The following SLC17A8 variants were observed in gnomAD, a reference collection of about 807,000 sequenced individuals.
SLC17A8 encodes the protein vesicular glutamate transporter 3.
A neutral mutation model predicts 58.0 loss-of-function variants in SLC17A8; 31 were observed. That is an observed-to-expected ratio of 0.53 (90% confidence interval 0.40 to 0.72). The LOEUF is 0.72. SLC17A8 is among the 30% of genes least tolerant of loss of function. The pLI is 0.00. For missense variants in SLC17A8, 655 were observed against 727.8 expected, an observed-to-expected ratio of 0.90 and a Z score of 1.15; for synonymous variants, 228 against 249.0, an observed-to-expected ratio of 0.92 and a Z score of 0.79.
chr12:100,379,745 G>C (rs1952620177), intron 1 of SLC17A8, among the ~76,000 whole-genome samples: 1 of 143,880 alleles, frequency 7.0e-6, no homozygotes, highest in Non-Finnish European at 1.5e-5. Flanking sequence ...TAATGAATGT[G>C]CCATAATTGG....
At chr12:100,375,723 T>C (rs1280571884) in intron 1 of SLC17A8, among the ~76,000 whole-genome samples, 1 of 152,218 alleles carries the variant, frequency 6.6e-6, no homozygotes, top group African/African-American at 2.4e-5. Context: ...ACTTTATTAA[T>C]AGCAATAGTG....
chr12:100,381,151 C>G (rs1952634897), intron 2 of SLC17A8, among the ~76,000 whole-genome samples, 198 bp downstream of exon 2: 1 of 151,884 alleles, frequency 6.6e-6, no homozygotes. Context: ...CTCAGCATCT[C>G]AGCATCTCAG....
At chr12:100,365,967 A>G (rs1952517644) in intron 1 of SLC17A8, among the ~76,000 whole-genome samples, 1 of 151,740 alleles carries the variant, frequency 6.6e-6, no homozygotes, top group Non-Finnish European at 1.5e-5. Context: ...ATGGATATGG[A>G]AAGAATGCAC....
At chr12:100,372,592 C>T (rs959712184) in intron 1 of SLC17A8, among the ~76,000 whole-genome samples, 1 of 152,188 alleles carries the variant, frequency 6.6e-6, no homozygotes, top group East Asian at 1.9e-4. Flanking sequence ...ACCATAATTA[C>T]GTCCTTAAGC....
chr12:100,397,246 T>C (rs1001273052), intron 5 of SLC17A8, among the ~76,000 whole-genome samples: 9 of 152,182 alleles, frequency 5.9e-5, no homozygotes, highest in African/African-American at 1.9e-4. Context: ...CTCTTCTTTT[T>C]ATATGAAACT....
chr12:100,378,697 C>T (rs1311617376), intron 1 of SLC17A8, among the ~76,000 whole-genome samples: 1 of 151,892 alleles, frequency 6.6e-6, no homozygotes, highest in Non-Finnish European at 1.5e-5. Context: ...GGGAAAGGGG[C>T]TGGACTTAGC....
intron 5 of SLC17A8, among the ~76,000 whole-genome samples, chr12:100,401,114 C>T (rs1952788033): frequency 6.6e-6 from 1 of 151,170 alleles, no homozygotes; most frequent in Non-Finnish European, 1.5e-5. Flanking sequence ...TCCCGTGCCT[C>T]AGCCGCCCAA....
At chr12:100,381,263 G>T (rs970634969) in intron 2 of SLC17A8, among the ~76,000 whole-genome samples, 2 of 152,162 alleles carry the variant, frequency 1.3e-5, no homozygotes, top group African/African-American at 4.8e-5. Flanking sequence ...TTCCTTCAGT[G>T]ATATGACAAA....
At chr12:100,407,297 C>T (rs1431702846) in intron 9 of SLC17A8, among the ~76,000 whole-genome samples, 1 of 152,208 alleles carries the variant, frequency 6.6e-6, no homozygotes, top group Non-Finnish European at 1.5e-5. Context: ...TGCACAACCT[C>T]TTCTAAACCC....
chr12:100,405,918 G>A (rs1952823171), intron 9 of SLC17A8, among the ~76,000 whole-genome samples: 2 of 152,064 alleles, frequency 1.3e-5, no homozygotes, highest in South Asian at 2.1e-4. Context: ...AGGTTGAGGC[G>A]GGCAGACCAC....
intron 1 of SLC17A8, among the ~76,000 whole-genome samples, chr12:100,371,417 C>T (rs534799985): frequency 1.3e-5 from 2 of 152,318 alleles, no homozygotes; most frequent in South Asian, 2.1e-4. Flanking sequence ...GTAAAGCACT[C>T]GCCATTCGTC....
At chr12:100,397,312 C>T in intron 5 of SLC17A8, among the ~76,000 whole-genome samples, 1 of 152,314 alleles carries the variant, frequency 6.6e-6, no homozygotes, top group East Asian at 1.9e-4. Context: ...GACTGTTGAT[C>T]TGGAACTTTC....
chr12:100,420,294 G>C lies in SLC17A8; in HGVS notation c.*135G>C. 1.5e-6 allele frequency: 1 copy of C among 686,364 alleles called. No homozygotes were observed. The highest frequency in any genetic ancestry group is 1.8e-5 in the African/African-American group (1 of 55,838). The allele number at this position is 686,364 out of a possible 1,614,324, so 42.5% of individuals were successfully genotyped here. A position where few individuals can be genotyped will look rare whatever the true frequency, so the allele number is the denominator to read the frequency against. ...AAGATCTAACCAGCAACAGGGAAAA[G>C]AGAAATATTATCTTTCAATGACATG... On this transcript the variant is annotated 3_prime_UTR_variant, in exon 12 of 12. Coordinates refer to ENST00000323346, the MANE Select transcript of SLC17A8 (RefSeq NM_139319.3).
intron 2 of SLC17A8, among the ~76,000 whole-genome samples, chr12:100,386,670 A>T (rs1952676827): frequency 6.8e-6 from 1 of 146,682 alleles, no homozygotes; most frequent in African/African-American, 2.5e-5. Context: ...ATAGTATTCC[A>T]TTGGTGTGTA....
At chr12:100,391,599 C>A (rs1457089336) in intron 3 of SLC17A8, among the ~76,000 whole-genome samples, 1 of 152,190 alleles carries the variant, frequency 6.6e-6, no homozygotes, top group Non-Finnish European at 1.5e-5. Flanking sequence ...GAGACACCAG[C>A]GCCCAGTCAA....
chr12:100,411,933 G>A (rs1303189350), intron 9 of SLC17A8, among the ~76,000 whole-genome samples: 1 of 151,548 alleles, frequency 6.6e-6, no homozygotes, highest in African/African-American at 2.4e-5. Flanking sequence ...GTGAAGTGCT[G>A]TTTTTGTTTG....
intron 1 of SLC17A8, among the ~76,000 whole-genome samples, chr12:100,361,116 C>T (rs1359443148): frequency 6.6e-6 from 1 of 152,186 alleles, no homozygotes; most frequent in Non-Finnish European, 1.5e-5. Flanking sequence ...ACTTCCCTGC[C>T]TGCATGACCT....
At chr12:100,385,676 C>T (rs1189361293) in intron 2 of SLC17A8, among the ~76,000 whole-genome samples, 1 of 152,180 alleles carries the variant, frequency 6.6e-6, no homozygotes, top group Non-Finnish European at 1.5e-5. Context: ...CTTGCTAACC[C>T]TCATTGCCCT....
At chr12:100,407,587 T>TA (rs921694289) in intron 9 of SLC17A8, among the ~76,000 whole-genome samples, 71 of 142,188 alleles carry the variant, frequency 5.0e-4, no homozygotes, top group Non-Finnish European at 1.4e-4. Flanking sequence ...TATATATATA[T>TA]TTTTTTTGTT....
Sources: gnomAD v4.1 joint callset for allele counts (sites outside exome capture counted in the v4.1 genomes callset) on GRCh38, gnomAD v4.1.1 for gene constraint, MANE v1.5 for transcripts, NCBI Gene and HGNC (gene_info 2026-07-23, HGNC 2026-07-21) for gene names.